CNTN4: variants seen among roughly 807,000 people sequenced by gnomAD.
CNTN4 encodes the protein contactin 4.
CNTN4 carries 77 observed loss-of-function variants against 122.5 expected under a neutral mutation model. The ratio of observed to expected loss-of-function variants is 0.63; its 90% confidence interval spans 0.52 to 0.76. The LOEUF is 0.76. Among genes scored for constraint, CNTN4 ranks in the 30% least tolerant of loss-of-function variants. The pLI, the probability that CNTN4 is intolerant of heterozygous loss-of-function variation, is 0.00. For synonymous variants in CNTN4, 512 were observed against 447.0 expected (o/e 1.15, Z -1.83); for missense variants, 1,256 against 1,259.1 (o/e 1.00, Z 0.04).
At chr3:2,984,622 A>T (rs891526066) in intron 13 of CNTN4, among the ~76,000 whole-genome samples, 1 of 152,222 alleles carries the variant, frequency 6.6e-6, no homozygotes, top group African/African-American at 2.4e-5. Flanking sequence ...TAATCTGATG[A>T]CAAGTCCTTT....
At chr3:2,870,829 T>C (rs1372777779) in intron 8 of CNTN4, among the ~76,000 whole-genome samples, 1 of 152,210 alleles carries the variant, frequency 6.6e-6, no homozygotes, top group African/African-American at 2.4e-5. Context: ...GCATTTCAGC[T>C]AAGCAGTCTG....
At chr3:2,280,978 G>C (rs576839525) in intron 2 of CNTN4, among the ~76,000 whole-genome samples, 10 of 152,262 alleles carry the variant, frequency 6.6e-5, no homozygotes, top group African/African-American at 2.4e-4. Flanking sequence ...GTGAAAAGTT[G>C]AGATTTGGAT....
intron 6 of CNTN4, among the ~76,000 whole-genome samples, chr3:2,764,414 G>C (rs1232774289): frequency 6.6e-6 from 1 of 152,180 alleles, no homozygotes; most frequent in South Asian, 2.1e-4. Context: ...AATGTACAAA[G>C]GTGCTGTGGT....
chr3:2,826,636 C>T (rs2150334044), intron 7 of CNTN4, among the ~76,000 whole-genome samples: 1 of 152,316 alleles, frequency 6.6e-6, no homozygotes, highest in South Asian at 2.1e-4. Flanking sequence ...TTTCTGTCTT[C>T]CCACACCTAC....
In CNTN4 at chr3:2,522,149, TTGTGTG is replaced by T. The variant is rs71621496; in HGVS notation, c.-88-49230_-88-49225del. On this transcript the variant is annotated intron_variant, in intron 3 of 24. Coordinates refer to ENST00000418658, the MANE Select transcript of CNTN4 (RefSeq NM_175607.3). ...ATGGCATGTGGCCTGCCTAAGCAGT[TTGTGTG>T]TGTGTGTGTGTGTGTGTGTGTGTGT... is the stretch of plus-strand genomic sequence containing the variant. Among the ~76,000 whole-genome samples the T allele has an allele frequency of 4.5e-3, 286 of 63,454 alleles. 1 individual carries two copies. Among genetic ancestry groups the T allele is most frequent in the Middle Eastern group, 6.8e-3 (1 of 148 alleles). The allele number at this position is 63,454 out of a possible 152,430, so 41.6% of individuals were successfully genotyped here. A position where few individuals can be genotyped will look rare whatever the true frequency, so the allele number is the denominator to read the frequency against.
chr3:2,455,574 C>G (rs2048969209), intron 3 of CNTN4, among the ~76,000 whole-genome samples: 1 of 151,952 alleles, frequency 6.6e-6, no homozygotes, highest in African/African-American at 2.4e-5. Flanking sequence ...GGTAGTGGAT[C>G]AGAAGAAGGA....
intron 6 of CNTN4, among the ~76,000 whole-genome samples, chr3:2,781,761 G>A (rs1478883601): frequency 2.8e-4 from 31 of 109,744 alleles, no homozygotes; most frequent in African/African-American, 1.3e-3. Context: ...GTGTCGCTCT[G>A]TCGCCCAGGC....
At chr3:2,635,672 T>A (rs2082631382) in intron 4 of CNTN4, among the ~76,000 whole-genome samples, 3 of 152,224 alleles carry the variant, frequency 2.0e-5, no homozygotes, top group Admixed American at 6.5e-5. Flanking sequence ...TTTCTGGCCA[T>A]GTTCAGAGCT....
chr3:2,197,540 G>C (rs748249364), intron 2 of CNTN4, among the ~76,000 whole-genome samples: 1 of 152,112 alleles, frequency 6.6e-6, no homozygotes, highest in South Asian at 2.1e-4. Flanking sequence ...TTATAAATGG[G>C]AAGATGGAGA....
chr3:2,270,131 A>T lies in CNTN4; in HGVS notation c.-144-69047A>T, dbSNP rs2041227678. On this transcript the variant is annotated intron_variant, in intron 2 of 24. Coordinates refer to ENST00000418658, the MANE Select transcript of CNTN4 (RefSeq NM_175607.3). ...CGCCCGGCTAATTTTTTGTATTTTT[A>T]GTAGAGACGGGGTTTCACCTTGTTA... Among the ~76,000 whole-genome samples, 2 of 90,552 alleles carry T rather than the reference A, an allele frequency of 2.2e-5. 1 individual carries two copies. The highest frequency in any genetic ancestry group is 7.0e-5 in the African/African-American group (2 of 28,720). 59.4% of individuals were successfully genotyped at this position (90,552 alleles called of 152,430 possible).
chr3:2,624,627 C>CTTTT (rs1175851279), intron 4 of CNTN4, among the ~76,000 whole-genome samples: 47 of 89,904 alleles, frequency 5.2e-4, no homozygotes, highest in East Asian at 6.5e-4. Context: ...ATTTCTGATT[C>CTTTT]TTTTTTTTTT....
At chr3:2,854,439 A>AT (rs34914065) in intron 7 of CNTN4, among the ~76,000 whole-genome samples, 120,514 of 151,160 alleles carry the variant, frequency 0.8, 48,371 homozygotes, top group African/African-American at 0.88. Context: ...CGCCTGGCTA[A>AT]TTTTTGTATT....
chr3:2,221,698 A>G (rs1244969246), intron 2 of CNTN4, among the ~76,000 whole-genome samples: 1 of 152,128 alleles, frequency 6.6e-6, no homozygotes, highest in Non-Finnish European at 1.5e-5. Flanking sequence ...ATTCAACAAT[A>G]ACAAGAATAA....
rs117615838 is a variant in CNTN4, at chr3:3,020,306, C to T, written c.1487-5796C>T. Among the ~76,000 whole-genome samples the T allele has an allele frequency of 9.2e-5, 14 of 152,166 alleles. 1 individual carries two copies. The East Asian group carries it at 2.3e-3, about 25-fold the overall frequency. On this transcript the variant is annotated intron_variant, in intron 14 of 24. Coordinates refer to ENST00000418658, the MANE Select transcript of CNTN4 (RefSeq NM_175607.3). Reference sequence around the variant, plus strand: ...ACTTATAAAAGTGTAAGATCTAGTCCGTGACTCCCAGAAAGCTGATCAGTT... The same window carrying T: ...ACTTATAAAAGTGTAAGATCTAGTCTGTGACTCCCAGAAAGCTGATCAGTT...
rs1198859704 is a variant in CNTN4 at position 2,709,786 on chromosome 3, C to T, written c.56-26429C>T. On this transcript the variant is annotated intron_variant, in intron 4 of 24. Transcript: ENST00000418658. The surrounding 1 kb of genome is among the most constrained non-coding windows in gnomAD (Gnocchi z 5.0). ...AAAATTAGCCAGGCGTGGTGGTGCA[C>T]ACCTGTAGTCCCAGCTACTTGGGAG... Among the ~76,000 whole-genome samples, 1 of 152,068 alleles carries T rather than the reference C, an allele frequency of 6.6e-6. No homozygotes were observed. The highest frequency in any genetic ancestry group is 2.4e-5 in the African/African-American group (1 of 41,512).
chr3:3,024,409 C>A lies in CNTN4; in HGVS notation c.1487-1693C>A, dbSNP rs74804213. On this transcript the variant is annotated intron_variant, in intron 14 of 24. Transcript: ENST00000418658. ...TAAAAAAAAAAAAAAAAAAAAAAAA[C>A]AACTTCATCACTATCTATTCCTGAT... is the stretch of plus-strand genomic sequence containing the variant. Among the ~76,000 whole-genome samples, 309 of 78,344 alleles carry A rather than the reference C, an allele frequency of 3.9e-3. 1 individual carries two copies. The highest frequency in any genetic ancestry group is 0.011 in the African/African-American group (230 of 20,996). The allele number at this position is 78,344 out of a possible 152,430, so 51.4% of individuals were successfully genotyped here.
intron 4 of CNTN4, among the ~76,000 whole-genome samples, chr3:2,706,119 TTAA>T (rs2086720082): frequency 6.6e-6 from 1 of 150,680 alleles, no homozygotes; most frequent in African/African-American, 2.4e-5. Context: ...TAGACATCTA[TTAA>T]TCTAGCAGAA....
intron 3 of CNTN4, among the ~76,000 whole-genome samples, chr3:2,431,503 A>T (rs1265459334): frequency 6.6e-6 from 1 of 152,348 alleles, no homozygotes; most frequent in East Asian, 1.9e-4. Context: ...TGCAAAAGTG[A>T]TGCATTAGAC....
At chr3:2,791,936 G>T (rs748060769) in intron 6 of CNTN4, among the ~76,000 whole-genome samples, 39 of 151,964 alleles carry the variant, frequency 2.6e-4, no homozygotes, top group Non-Finnish European at 4.3e-4. Context: ...TCGGATTTAG[G>T]GCCCACTCAG....
Sources: allele counts gnomAD v4.1 joint callset (sites outside exome capture counted in the v4.1 genomes callset), GRCh38; gene constraint gnomAD v4.1.1; non-coding constraint Gnocchi (gnomAD v3.1); transcripts MANE v1.5; gene names NCBI Gene and HGNC (gene_info 2026-07-23, HGNC 2026-07-21).